Variants in CAMK2D observed in about 807,000 individuals in gnomAD.
CAMK2D encodes the protein calcium/calmodulin-dependent protein kinase type II subunit delta.
A neutral mutation model predicts 84.0 loss-of-function variants in CAMK2D; 37 were observed. That is an observed-to-expected ratio of 0.44 (90% CI 0.34 to 0.58). CAMK2D has a LOEUF of 0.58. Among genes scored for constraint, CAMK2D ranks in the 20% least tolerant of loss-of-function variants. The probability of loss-of-function intolerance (pLI) is 0.02; values close to 1 mark genes in which losing one functional copy is unlikely to be tolerated. For missense variants in CAMK2D, 448 were observed against 652.5 expected (o/e 0.69, Z 3.41); for synonymous variants, 202 against 212.5 (o/e 0.95, Z 0.43).
intron 3 of CAMK2D, among the ~76,000 whole-genome samples, chr4:113,634,222 T>C (rs2099101482): frequency 6.6e-6 from 1 of 152,194 alleles, no homozygotes; most frequent in Non-Finnish European, 1.5e-5. Context: ...TATATTTTCA[T>C]TTACACGTTG....
intron 16 of CAMK2D, among the ~76,000 whole-genome samples, chr4:113,482,999 G>A (rs763711338): frequency 1.3e-5 from 2 of 152,162 alleles, no homozygotes; most frequent in African/African-American, 2.4e-5. Context: ...AAAATGTTAC[G>A]CTATTCCATT....
chr4:113,484,473 C>T (rs1266784389), intron 16 of CAMK2D, among the ~76,000 whole-genome samples: 2 of 151,976 alleles, frequency 1.3e-5, no homozygotes, highest in Non-Finnish European at 2.9e-5. Context: ...TTGCAATGTC[C>T]TGAGTCCCTT....
At chr4:113,481,039 T>A (rs1270020878) in intron 16 of CAMK2D, among the ~76,000 whole-genome samples, 1 of 152,226 alleles carries the variant, frequency 6.6e-6, no homozygotes, top group Non-Finnish European at 1.5e-5. Flanking sequence ...TTACCCAGTC[T>A]GTGATATTTT....
chr4:113,728,296 A>C (rs575663115), intron 2 of CAMK2D, among the ~76,000 whole-genome samples: 6 of 152,326 alleles, frequency 3.9e-5, no homozygotes, highest in Non-Finnish European at 8.8e-5. Flanking sequence ...ATATAATAAA[A>C]TACTACTACT....
chr4:113,531,019 G>A (rs563662245), intron 8 of CAMK2D, among the ~76,000 whole-genome samples, 197 bp downstream of exon 8: 3 of 152,326 alleles, frequency 2.0e-5, no homozygotes, highest in African/African-American at 7.2e-5. Flanking sequence ...GGGAGGCAGA[G>A]GTTGCAGTGA....
At chr4:113,562,441 T>G (rs571869256) in intron 4 of CAMK2D, among the ~76,000 whole-genome samples, 1 of 152,358 alleles carries the variant, frequency 6.6e-6, no homozygotes, top group African/African-American at 2.4e-5. Flanking sequence ...ATTATTCACT[T>G]ATTCATGTAT....
At chr4:113,536,194 TGGAG>T (rs2098489037) in intron 7 of CAMK2D, among the ~76,000 whole-genome samples, 1 of 152,158 alleles carries the variant, frequency 6.6e-6, no homozygotes, top group South Asian at 2.1e-4. Context: ...CATCTAGGAT[TGGAG>T]GGTAAAAAGA....
At chr4:113,703,845 AG>A (rs1262814182) in intron 2 of CAMK2D, among the ~76,000 whole-genome samples, 2 of 152,130 alleles carry the variant, frequency 1.3e-5, no homozygotes, top group Non-Finnish European at 2.9e-5. Context: ...TTTTATAGAA[AG>A]CACAAAATGG....
At chr4:113,546,007 C>T (rs1049559613) in intron 6 of CAMK2D, among the ~76,000 whole-genome samples, 1 of 152,174 alleles carries the variant, frequency 6.6e-6, no homozygotes, top group Admixed American at 6.5e-5. Context: ...GAAGTGCTCA[C>T]CTGATTCCAG....
At chr4:113,589,759 T>C (rs1053979835) in intron 4 of CAMK2D, among the ~76,000 whole-genome samples, 14 of 152,054 alleles carry the variant, frequency 9.2e-5, no homozygotes, top group Non-Finnish European at 1.8e-4. Flanking sequence ...GAGGTCTGAG[T>C]AGCAGTTGTA....
intron 4 of CAMK2D, among the ~76,000 whole-genome samples, chr4:113,598,601 CT>C (rs1420806196): frequency 2.0e-5 from 3 of 152,168 alleles, no homozygotes; most frequent in Admixed American, 1.3e-4. Context: ...ATAAGAAAAG[CT>C]GCAGACTGAA....
At chr4:113,514,897 T>C (rs530210770) in intron 10 of CAMK2D, among the ~76,000 whole-genome samples, 172 bp downstream of exon 10, 8 of 152,338 alleles carry the variant, frequency 5.3e-5, no homozygotes, top group East Asian at 3.9e-4. Flanking sequence ...CTACTGAAAA[T>C]TGCATTTTTT....
At chr4:113,682,003 T>C (rs1195238485) in intron 2 of CAMK2D, among the ~76,000 whole-genome samples, 2 of 152,180 alleles carry the variant, frequency 1.3e-5, no homozygotes, top group Admixed American at 6.5e-5. Flanking sequence ...AGAAAAAGCA[T>C]GGGATACAGG....
intron 6 of CAMK2D, among the ~76,000 whole-genome samples, chr4:113,543,453 T>C (rs540272357): frequency 6.6e-6 from 1 of 151,548 alleles, no homozygotes; most frequent in South Asian, 2.1e-4. Flanking sequence ...ACTCCTGGCC[T>C]CAAGCAATCC....
Position 113,722,122 on chromosome 4 carries a change from A to G in CAMK2D, c.160+37198T>C, listed in dbSNP as rs148316308. 4.2e-3 allele frequency among the ~76,000 whole-genome samples: 643 copies of G among 152,230 alleles called. 5 individuals are homozygous for G. Among genetic ancestry groups the G allele is most frequent in the Non-Finnish European group, 7.6e-3 (519 of 68,020 alleles). On this transcript the variant is annotated intron_variant, in intron 2 of 20. Coordinates refer to ENST00000511664, the MANE Select transcript of CAMK2D (RefSeq NM_001321571.2). ...TTCACAGGTTTCCATGTACAAACTT[A>G]AGAGAGTATAGAAAAAGTTTTTTGC...
intron 3 of CAMK2D, among the ~76,000 whole-genome samples, chr4:113,633,999 A>G (rs1361203063): frequency 1.3e-5 from 2 of 152,188 alleles, no homozygotes; most frequent in African/African-American, 4.8e-5. Context: ...TTTCTGGAGA[A>G]TGTCTTTACT....
intron 5 of CAMK2D, among the ~76,000 whole-genome samples, chr4:113,548,327 G>A (rs1278857250): frequency 6.6e-6 from 1 of 152,120 alleles, no homozygotes; most frequent in African/African-American, 2.4e-5. Context: ...ATCTACAGGC[G>A]GACATACATC....
rs1561130120 is a variant in CAMK2D at position 113,581,533 on chromosome 4, A to AAAAGAAAC, written c.275+27618_275+27619insGTTTCTTT. On this transcript the variant is annotated intron_variant, in intron 4 of 20. Coordinates refer to ENST00000511664, the MANE Select transcript of CAMK2D (RefSeq NM_001321571.2). ...TCTCATAAAAAAAAAAAAAAAAAAAAGAAAAGAAAAGAAAAGAAAAAGACC... is the reference window on the plus strand; with the variant it reads ...TCTCATAAAAAAAAAAAAAAAAAAAAAAAGAAACGAAAAGAAAAGAAAAGAAAAAGACC... Among the ~76,000 whole-genome samples, 3 of 140,350 alleles carry AAAAGAAAC rather than the reference A, an allele frequency of 2.1e-5. No homozygotes were observed. In the East Asian group the frequency reaches 6.6e-4, roughly 31 times the overall value. 92.1% of individuals were successfully genotyped at this position (140,350 alleles called of 152,430 possible).
intron 5 of CAMK2D, among the ~76,000 whole-genome samples, chr4:113,551,256 G>A (rs2098626932): frequency 6.6e-6 from 1 of 152,094 alleles, no homozygotes; most frequent in Non-Finnish European, 1.5e-5. Context: ...GTGTTGCCTT[G>A]GATAGCCTAG....
Sources: allele counts gnomAD v4.1 joint callset (sites outside exome capture counted in the v4.1 genomes callset), GRCh38; gene constraint gnomAD v4.1.1; transcripts MANE v1.5; gene names NCBI Gene and HGNC (gene_info 2026-07-23, HGNC 2026-07-21).